HS3ST5: variants seen among roughly 807,000 people sequenced by gnomAD.
HS3ST5 encodes the protein heparan sulfate-glucosamine 3-sulfotransferase 5.
A neutral mutation model predicts 25.4 loss-of-function variants in HS3ST5; 10 were observed. That is an observed-to-expected ratio of 0.39 (90% CI 0.24 to 0.67). The LOEUF (loss-of-function observed/expected upper bound fraction) is 0.67. Ranked by LOEUF, HS3ST5 falls within the 30% of genes least tolerant of loss-of-function variation. HS3ST5 has a pLI of 0.44. For synonymous variants in HS3ST5, 170 were observed against 162.4 expected, an observed-to-expected ratio of 1.05 and a Z score of -0.36; for missense variants, 324 against 420.7, an observed-to-expected ratio of 0.77 and a Z score of 2.01.
intron 3 of HS3ST5, among the ~76,000 whole-genome samples, chr6:114,163,571 T>A (rs1342673052): frequency 6.6e-6 from 1 of 152,148 alleles, no homozygotes; most frequent in Non-Finnish European, 1.5e-5. Context: ...CCATTTTGTG[T>A]CAGTTACTCA....
At chr6:114,084,697 C>A in intron 3 of HS3ST5, 3 of 1,270,740 alleles carry the variant, frequency 2.4e-6, no homozygotes, top group Non-Finnish European at 3.4e-6. Flanking sequence ...GAAGCCGTGG[C>A]TCCTGGAAGG....
At chr6:114,323,712 A>G (rs2114889418) in intron 1 of HS3ST5, among the ~76,000 whole-genome samples, 1 of 152,258 alleles carries the variant, frequency 6.6e-6, no homozygotes, top group East Asian at 1.9e-4. Flanking sequence ...TACAAATCTC[A>G]TTATGCACAT....
intron 3 of HS3ST5, among the ~76,000 whole-genome samples, chr6:114,114,795 TA>T (rs1193178016): frequency 2.6e-5 from 4 of 152,112 alleles, no homozygotes; most frequent in African/African-American, 7.2e-5. Flanking sequence ...AGTTACTTTT[TA>T]AAAAAATCGT....
intron 1 of HS3ST5, among the ~76,000 whole-genome samples, chr6:114,326,818 ACTT>A (rs2114900847): frequency 6.6e-6 from 1 of 152,078 alleles, no homozygotes; most frequent in East Asian, 1.9e-4. Context: ...AATCCTGTAA[ACTT>A]CTTTTTCAGT....
chr6:114,236,854 T>C (rs991120194), intron 1 of HS3ST5, among the ~76,000 whole-genome samples: 1 of 152,212 alleles, frequency 6.6e-6, no homozygotes, highest in African/African-American at 2.4e-5. Context: ...TAGACTTTGA[T>C]AGGCTCAATA....
At chr6:114,129,289 T>G (rs957476910) in intron 3 of HS3ST5, among the ~76,000 whole-genome samples, 5 of 140,970 alleles carry the variant, frequency 3.5e-5, no homozygotes, top group Non-Finnish European at 7.6e-5. Context: ...GGAGTCTTGC[T>G]CTGTTGCCCA....
chr6:114,267,565 G>T (rs1773460202), intron 1 of HS3ST5, among the ~76,000 whole-genome samples: 1 of 152,108 alleles, frequency 6.6e-6, no homozygotes, highest in Non-Finnish European at 1.5e-5. Context: ...CCTAGAATCG[G>T]GGTAGCATAA....
Position 114,058,062 on chromosome 6 carries a change from T to A in HS3ST5, c.236A>T (p.Glu79Val), listed in dbSNP as rs370563140. 6.2e-7 allele frequency: 1 copy of A among 1,614,172 alleles called. No individual in the cohort carries two copies. Among genetic ancestry groups the A allele is most frequent in the South Asian group, 1.1e-5 (1 of 91,078 alleles). Residue 79 changes from glutamate to valine, a missense_variant, in exon 5 of 5, where the codon GAG (glutamate) becomes GTG (valine). Glu to Val is a moderately radical substitution (Grantham distance 121). Around this residue, in one of 2 missense-constraint regions of HS3ST5, gnomAD observed 121 missense variants for 117.3 expected, o/e 1.03. Coordinates refer to ENST00000312719, the MANE Select transcript of HS3ST5 (RefSeq NM_153612.4). ...GACCAGGTCATGGAGGCGAACCTGCTCCTTGGAAGCGTTGCCCTTCCGGAA... is the reference window on the plus strand; with the variant it reads ...GACCAGGTCATGGAGGCGAACCTGCACCTTGGAAGCGTTGCCCTTCCGGAA... Reference protein sequence around the residue: ...HEFRKGNASKEQVRLHDLVQQ... With the variant: ...HEFRKGNASKVQVRLHDLVQQ...
chr6:114,342,170 G>C (rs551295669), intron 1 of HS3ST5, 25 bp downstream of exon 1: 1 of 152,322 alleles, frequency 6.6e-6, no homozygotes, highest in Non-Finnish European at 1.5e-5. Context: ...TCCCCCGCGC[G>C]AGGCGGGCAG....
intron 2 of HS3ST5, among the ~76,000 whole-genome samples, chr6:114,221,071 C>T (rs1782006351): frequency 6.6e-6 from 1 of 151,988 alleles, no homozygotes; most frequent in Admixed American, 6.6e-5. Flanking sequence ...CAGGGACTTG[C>T]ACACACCATC....
At chr6:114,240,824 C>T (rs1461155639) in intron 1 of HS3ST5, among the ~76,000 whole-genome samples, 3 of 152,220 alleles carry the variant, frequency 2.0e-5, no homozygotes, top group African/African-American at 4.8e-5. Context: ...AAACTGTTTG[C>T]TATTTAGATG....
At chr6:114,331,709 T>C (rs1272161206) in intron 1 of HS3ST5, among the ~76,000 whole-genome samples, 1 of 152,144 alleles carries the variant, frequency 6.6e-6, no homozygotes, top group Non-Finnish European at 1.5e-5. Flanking sequence ...AAAGAGTTGC[T>C]TCCAAATGTT....
intron 1 of HS3ST5, among the ~76,000 whole-genome samples, chr6:114,241,525 A>T (rs144727113): frequency 0.014 from 2,157 of 152,358 alleles, 29 homozygotes; most frequent in Non-Finnish European, 0.024. Context: ...CTTTTTTATC[A>T]TAAAATGTTG....
intron 3 of HS3ST5, among the ~76,000 whole-genome samples, chr6:114,080,081 A>G (rs1043776583): frequency 1.3e-5 from 2 of 152,180 alleles, no homozygotes; most frequent in Admixed American, 6.5e-5. Context: ...TCGGCCTGCA[A>G]TGTACTTCTT....
intron 2 of HS3ST5, among the ~76,000 whole-genome samples, chr6:114,209,888 T>C (rs2114425767): frequency 6.6e-6 from 1 of 152,248 alleles, no homozygotes; most frequent in Non-Finnish European, 1.5e-5. Flanking sequence ...TTCAGGGTAA[T>C]ATAGAAAGAG....
intron 2 of HS3ST5, among the ~76,000 whole-genome samples, chr6:114,189,037 C>T (rs1582696722): frequency 1.3e-5 from 2 of 152,002 alleles, no homozygotes; most frequent in East Asian, 3.9e-4. Context: ...TGTTTTGTTG[C>T]TGTTTCTCTC....
chr6:114,310,199 A>G (rs1216714440), intron 1 of HS3ST5, among the ~76,000 whole-genome samples: 1 of 152,202 alleles, frequency 6.6e-6, no homozygotes, highest in African/African-American at 2.4e-5. Context: ...TTCAAATGTT[A>G]TAGTCCCGAG....
intron 3 of HS3ST5, among the ~76,000 whole-genome samples, chr6:114,068,502 G>T (rs1773598115): frequency 6.6e-6 from 1 of 152,198 alleles, no homozygotes; most frequent in African/African-American, 2.4e-5. Context: ...TGCCAGGATG[G>T]TGTCTTAAAA....
intron 4 of HS3ST5, 141 bp from the exon 5 acceptor site, chr6:114,058,331 G>T: frequency 1.5e-6 from 1 of 657,762 alleles, no homozygotes; most frequent in Non-Finnish European, 2.5e-6. Flanking sequence ...ACATATGTTT[G>T]GGAAATTTTA....
Sources: allele counts gnomAD v4.1 joint callset (sites outside exome capture counted in the v4.1 genomes callset), GRCh38; gene constraint gnomAD v4.1.1; regional missense constraint gnomAD v4.1.1; transcripts MANE v1.5; gene names NCBI Gene and HGNC (gene_info 2026-07-23, HGNC 2026-07-21).